Variants in SSBP2 observed in about 807,000 individuals in gnomAD.
SSBP2 encodes the protein single-stranded DNA-binding protein 2.
In SSBP2, 17 loss-of-function variants were observed where a neutral mutation model predicts 61.8. That is an observed-to-expected ratio of 0.28 (90% CI 0.19 to 0.41). The LOEUF (loss-of-function observed/expected upper bound fraction) is 0.41, where lower values mean the gene tolerates loss of function less well. Ranked by LOEUF, SSBP2 falls within the 10% of genes least tolerant of loss-of-function variation. The pLI, the probability that SSBP2 is intolerant of heterozygous loss-of-function variation, is 1.00. For synonymous variants in SSBP2, 139 were observed against 141.3 expected, an observed-to-expected ratio of 0.98 and a Z score of 0.12; for missense variants, 310 against 458.7, an observed-to-expected ratio of 0.68 and a Z score of 2.96.
At chr5:81,684,836 T>C (rs192576911) in intron 1 of SSBP2, among the ~76,000 whole-genome samples, 145 of 152,118 alleles carry the variant, frequency 9.5e-4, no homozygotes, top group African/African-American at 2.6e-3. Context: ...TGGGGGACTA[T>C]TGAGGGGGAT....
At chr5:81,537,225 T>C (rs879646438) in intron 4 of SSBP2, among the ~76,000 whole-genome samples, 9 of 152,118 alleles carry the variant, frequency 5.9e-5, no homozygotes, top group African/African-American at 9.7e-5. Flanking sequence ...GTGATGAACA[T>C]CTAAAGGTTA....
intron 16 of SSBP2, among the ~76,000 whole-genome samples, chr5:81,426,817 C>T (rs751076669): frequency 3.4e-4 from 51 of 152,192 alleles, no homozygotes; most frequent in Middle Eastern, 3.2e-3. Context: ...GGAAGAGTTC[C>T]TCTTGTCACT....
intron 16 of SSBP2, among the ~76,000 whole-genome samples, chr5:81,425,202 A>C (rs1049087058): frequency 2.0e-5 from 3 of 152,242 alleles, no homozygotes; most frequent in Non-Finnish European, 2.9e-5. Flanking sequence ...GTCTTTGAAC[A>C]ATGTGTATAA....
At position 81,418,832 on chromosome 5, in the gene SSBP2, T is replaced by C. The variant is rs1452515164; in HGVS notation, c.*1672A>G. The stretch of plus-strand genomic sequence containing the variant: ...CAGTCTGTGGTTGATTGGAATGTCA[T>C]TATGAGCTGCATGACTATATCCTGC... On this transcript the variant is annotated 3_prime_UTR_variant, in exon 17 of 17. Coordinates refer to ENST00000320672, the MANE Select transcript of SSBP2 (RefSeq NM_012446.5). The C allele has an allele frequency of 6.6e-6, 1 of 152,204 alleles. No individual in the cohort carries two copies. The highest frequency in any genetic ancestry group is 1.5e-5 in the Non-Finnish European group (1 of 68,030). The allele number at this position is 152,204 out of a possible 1,614,324, so 9.4% of individuals were successfully genotyped here. A position where few individuals can be genotyped will look rare whatever the true frequency, so the allele number is the denominator to read the frequency against.
intron 1 of SSBP2, among the ~76,000 whole-genome samples, chr5:81,656,814 G>C (rs1234335430): frequency 6.6e-6 from 1 of 151,470 alleles, no homozygotes; most frequent in Non-Finnish European, 1.5e-5. Context: ...AAACATTAAA[G>C]TATTCAATGC....
chr5:81,426,576 G>T (rs765511362), intron 16 of SSBP2, among the ~76,000 whole-genome samples: 1 of 152,188 alleles, frequency 6.6e-6, no homozygotes, highest in African/African-American at 2.4e-5. Context: ...AGCTGCTCTC[G>T]TTTCTAAATG....
At chr5:81,592,988 G>A (rs574526772) in intron 4 of SSBP2, among the ~76,000 whole-genome samples, 18 of 152,298 alleles carry the variant, frequency 1.2e-4, no homozygotes, top group Non-Finnish European at 2.5e-4. Context: ...AAAGCTGGAC[G>A]GAGAATGACT....
chr5:81,708,224 A>T (rs933397035), intron 1 of SSBP2, among the ~76,000 whole-genome samples: 2 of 152,122 alleles, frequency 1.3e-5, no homozygotes, highest in Admixed American at 1.3e-4. Context: ...GCCTTCAAGG[A>T]GCTCTCTCTA....
In SSBP2 at chr5:81,439,467, T is replaced by C. The variant is rs186364635; in HGVS notation, c.928+1091A>G. ...TTCACCTTGCAGCTATTTAGCTTCATATGGTAAGAAGGCATCACTTATAAA... is the reference window on the plus strand; with the variant it reads ...TTCACCTTGCAGCTATTTAGCTTCACATGGTAAGAAGGCATCACTTATAAA... On this transcript the variant is annotated intron_variant, in intron 14 of 16. Coordinates refer to ENST00000320672, the MANE Select transcript of SSBP2 (RefSeq NM_012446.5). Among the ~76,000 whole-genome samples, 446 of 152,004 alleles carry C rather than the reference T, an allele frequency of 2.9e-3. 2 individuals are homozygous for C. Among genetic ancestry groups the C allele is most frequent in the African/African-American group, 0.011 (437 of 41,436 alleles).
At position 81,448,832 on chromosome 5, in the gene SSBP2, C is replaced by T. The variant is rs746151976; in HGVS notation, c.688-7G>A. The T allele has an allele frequency of 2.5e-6, 4 of 1,612,194 alleles. No homozygotes were observed. Among genetic ancestry groups the T allele is most frequent in the Non-Finnish European group, 3.4e-6 (4 of 1,179,264 alleles). On this transcript the variant is annotated splice_region_variant and splice_polypyrimidine_tract_variant and intron_variant, in intron 10 of 16. Transcript: ENST00000320672. Reference sequence around the variant, plus strand: ...ATGCTGAGGAGTATGGTATCTGGAACACGAATAGGACAAAAAAATTTTTGA... The same window carrying T: ...ATGCTGAGGAGTATGGTATCTGGAATACGAATAGGACAAAAAAATTTTTGA...
rs1320820980 is a variant in SSBP2 at position 81,650,326 on chromosome 5, C to T, written c.76G>A (p.Val26Ile). 1.3e-6 allele frequency: 2 copies of T among 1,581,342 alleles called. No homozygotes were observed. Among genetic ancestry groups the T allele is most frequent in the East Asian group, 2.3e-5 (1 of 43,734 alleles). Residue 26 changes from valine to isoleucine, a missense_variant, in exon 2 of 17, where the codon GTA becomes ATA. By Grantham distance (29) the Val-to-Ile change is conservative. Coordinates refer to ENST00000320672, the MANE Select transcript of SSBP2 (RefSeq NM_012446.5). ...CCTACATGGAGCAGATATTCATATA[C>T]GTAGAGTGCTAACCTGGAAAACAAA...
chr5:81,734,970 CAAAAAA>C (rs11350574), intron 1 of SSBP2, among the ~76,000 whole-genome samples: 1 of 70,524 alleles, frequency 1.4e-5, no homozygotes, highest in Non-Finnish European at 2.6e-5. Flanking sequence ...GACTCCATCT[CAAAAAA>C]AAAAAAAAAA....
intron 2 of SSBP2, among the ~76,000 whole-genome samples, chr5:81,637,942 C>T (rs774779926): frequency 7.9e-4 from 120 of 152,222 alleles, no homozygotes; most frequent in Middle Eastern, 3.4e-3. Flanking sequence ...GATGAGTTCA[C>T]GTCCTTTGTA....
chr5:81,712,705 AG>A (rs1253209360), intron 1 of SSBP2, among the ~76,000 whole-genome samples: 2 of 149,170 alleles, frequency 1.3e-5, no homozygotes, highest in African/African-American at 2.5e-5. Context: ...ATGAAAGTAA[AG>A]GGACTTTTTG....
At chr5:81,579,717 T>C (rs1774498414) in intron 4 of SSBP2, among the ~76,000 whole-genome samples, 1 of 152,038 alleles carries the variant, frequency 6.6e-6, no homozygotes, top group Non-Finnish European at 1.5e-5. Context: ...CACCATGTAA[T>C]CAGATAAAAG....
intron 12 of SSBP2, among the ~76,000 whole-genome samples, chr5:81,443,670 C>G (rs1763183357): frequency 6.6e-6 from 1 of 152,222 alleles, no homozygotes; most frequent in Non-Finnish European, 1.5e-5. Context: ...TCAAGCGATT[C>G]TCTTGCCTCA....
At chr5:81,429,398 G>A (rs963442086) in intron 15 of SSBP2, among the ~76,000 whole-genome samples, 12 of 152,072 alleles carry the variant, frequency 7.9e-5, no homozygotes, top group African/African-American at 2.7e-4. Flanking sequence ...TTAGCAGTGC[G>A]TTGCTTCATA....
At chr5:81,547,174 C>T (rs1340731034) in intron 4 of SSBP2, among the ~76,000 whole-genome samples, 5 of 151,900 alleles carry the variant, frequency 3.3e-5, no homozygotes, top group African/African-American at 9.7e-5. Flanking sequence ...TGCAAAACGG[C>T]GCAGCCACTT....
intron 1 of SSBP2, among the ~76,000 whole-genome samples, chr5:81,691,399 T>C (rs1334871323): frequency 2.0e-5 from 3 of 151,582 alleles, no homozygotes; most frequent in African/African-American, 7.3e-5. Context: ...ACCACAGAAA[T>C]ACAAAGGATT....
Sources: allele counts gnomAD v4.1 joint callset (sites outside exome capture counted in the v4.1 genomes callset), GRCh38; gene constraint gnomAD v4.1.1; transcripts MANE v1.5; gene names NCBI Gene and HGNC (gene_info 2026-07-23, HGNC 2026-07-21).